The following DKK2 variants were observed in gnomAD, a reference collection of about 807,000 sequenced individuals.
DKK2 encodes the protein dickkopf-related protein 2.
Under a neutral mutation model 28.1 loss-of-function variants are expected in DKK2, and 11 were observed. That is an observed-to-expected ratio of 0.39 (90% CI 0.25 to 0.65). DKK2 has a LOEUF of 0.65. Ranked by LOEUF, DKK2 falls within the 30% of genes least tolerant of loss-of-function variation. The probability of loss-of-function intolerance (pLI) is 0.47; values close to 1 mark genes in which losing one functional copy is unlikely to be tolerated. For missense variants in DKK2, 326 were observed against 335.5 expected (o/e 0.97, Z 0.22); for synonymous variants, 135 against 126.5 (o/e 1.07, Z -0.45).
At chr4:107,009,843 C>CAG (rs1157325797) in intron 1 of DKK2, among the ~76,000 whole-genome samples, 1 of 151,822 alleles carries the variant, frequency 6.6e-6, no homozygotes, top group Non-Finnish European at 1.5e-5. Context: ...CTTTGGCTAA[C>CAG]AGAGACTTTT....
At chr4:107,004,746 AT>A (rs751546571) in intron 1 of DKK2, among the ~76,000 whole-genome samples, 7 of 152,228 alleles carry the variant, frequency 4.6e-5, no homozygotes, top group Admixed American at 1.3e-4. Context: ...ATTCTGGGAT[AT>A]CTGGGAATTA....
At chr4:107,016,168 C>T (rs1723601169) in intron 1 of DKK2, among the ~76,000 whole-genome samples, 1 of 151,850 alleles carries the variant, frequency 6.6e-6, no homozygotes. Context: ...CATTAGAGAA[C>T]ATCGTGGAAA....
rs529517431 is a variant in DKK2 at position 106,991,034 on chromosome 4, G to A, written c.222+44336C>T. ...TAGATGAAAAATTTTTGTTCTGTGAGTATAGAGCTTGTGCAAAGGAAAAAT... is the reference window on the plus strand; with the variant it reads ...TAGATGAAAAATTTTTGTTCTGTGAATATAGAGCTTGTGCAAAGGAAAAAT... On this transcript the variant is annotated intron_variant, in intron 1 of 3. Coordinates refer to ENST00000285311, the MANE Select transcript of DKK2 (RefSeq NM_014421.3). Among the ~76,000 whole-genome samples the A allele has an allele frequency of 4.8e-3, 734 of 152,268 alleles. 6 individuals carry two copies. Among genetic ancestry groups the A allele is most frequent in the African/African-American group, 0.017 (708 of 41,560 alleles).
intron 1 of DKK2, among the ~76,000 whole-genome samples, chr4:106,942,995 C>T (rs967571236): frequency 1.1e-4 from 16 of 152,230 alleles, no homozygotes; most frequent in African/African-American, 3.1e-4. Flanking sequence ...ACTACTTGCA[C>T]ATCCCCTAGT....
chr4:107,001,033 G>C (rs1432145783), intron 1 of DKK2, among the ~76,000 whole-genome samples: 1 of 151,156 alleles, frequency 6.6e-6, no homozygotes, highest in Non-Finnish European at 1.5e-5. Flanking sequence ...ATAACATGTG[G>C]ATAGGGCTCC....
intron 1 of DKK2, among the ~76,000 whole-genome samples, chr4:107,017,643 A>C (rs1246103266): frequency 6.6e-6 from 1 of 151,998 alleles, no homozygotes; most frequent in East Asian, 1.9e-4. Flanking sequence ...TTTCTTGAAA[A>C]AAAAAACTTC....
intron 1 of DKK2, among the ~76,000 whole-genome samples, chr4:107,015,093 A>G (rs1409729699): frequency 6.6e-6 from 1 of 151,552 alleles, no homozygotes; most frequent in Non-Finnish European, 1.5e-5. Context: ...TTATATTCTT[A>G]GAAGTAGAAT....
chr4:107,016,795 T>C (rs918794198), intron 1 of DKK2, among the ~76,000 whole-genome samples: 2 of 151,782 alleles, frequency 1.3e-5, no homozygotes, highest in African/African-American at 4.8e-5. Context: ...TTACCGTCAA[T>C]TGAGATGGAG....
intron 1 of DKK2, among the ~76,000 whole-genome samples, chr4:106,983,657 A>G (rs1247016132): frequency 2.0e-5 from 3 of 152,220 alleles, no homozygotes; most frequent in African/African-American, 7.2e-5. Flanking sequence ...ACTGCATTAA[A>G]AAGATTAAAG....
intron 1 of DKK2, among the ~76,000 whole-genome samples, chr4:106,945,798 A>C (rs917866157): frequency 6.6e-6 from 1 of 152,174 alleles, no homozygotes; most frequent in Non-Finnish European, 1.5e-5. Context: ...ATTTGCCGAA[A>C]ATAACACAAA....
rs962239956 is a variant in DKK2 at position 106,992,237 on chromosome 4, G to A, written c.222+43133C>T. Among the ~76,000 whole-genome samples the A allele has an allele frequency of 3.7e-4, 57 of 152,330 alleles. 1 individual carries two copies. Among genetic ancestry groups the A allele is most frequent in the Middle Eastern group, 6.8e-3 (2 of 294 alleles). ...ATGTTCATTAGGATGGAGTAGAAAT[G>A]CTAAAGGTTTAGGTTTACTAAGTGC... On this transcript the variant is annotated intron_variant, in intron 1 of 3. Coordinates refer to ENST00000285311, the MANE Select transcript of DKK2 (RefSeq NM_014421.3).
At chr4:107,030,596 A>G (rs1401633555) in intron 1 of DKK2, among the ~76,000 whole-genome samples, 2 of 152,046 alleles carry the variant, frequency 1.3e-5, no homozygotes, top group East Asian at 3.8e-4. Flanking sequence ...TAGAGGCATA[A>G]GGAAGTAAAA....
At chr4:106,996,891 A>G (rs990054326) in intron 1 of DKK2, among the ~76,000 whole-genome samples, 11 of 152,088 alleles carry the variant, frequency 7.2e-5, no homozygotes, top group African/African-American at 2.7e-4. Context: ...AACTTAGAAA[A>G]TTTCATCAAC....
At chr4:106,970,124 C>T (rs938987448) in intron 1 of DKK2, among the ~76,000 whole-genome samples, 3 of 152,088 alleles carry the variant, frequency 2.0e-5, no homozygotes, top group Non-Finnish European at 4.4e-5. Context: ...TTACCTTTGA[C>T]AATTGTTTAG....
At chr4:106,979,078 T>C (rs1311436417) in intron 1 of DKK2, among the ~76,000 whole-genome samples, 2 of 96,678 alleles carry the variant, frequency 2.1e-5, no homozygotes, top group African/African-American at 6.7e-5. Context: ...TTTGTTTTTG[T>C]TTTTTTTTCA....
chr4:106,935,755 G>A (rs998410740), intron 1 of DKK2, among the ~76,000 whole-genome samples: 12 of 152,146 alleles, frequency 7.9e-5, no homozygotes, highest in Admixed American at 3.3e-4. Context: ...CTCCCAGCAC[G>A]CAGCTGGAGA....
At position 107,011,382 on chromosome 4, in the gene DKK2, C is replaced by T. The variant is rs73837510; in HGVS notation, c.222+23988G>A. 7.4e-3 allele frequency among the ~76,000 whole-genome samples: 1,114 copies of T among 151,538 alleles called. 11 individuals are homozygous for T. Among genetic ancestry groups the T allele is most frequent in the African/African-American group, 0.026 (1,063 of 41,446 alleles). Reference sequence around the variant, plus strand: ...GCAACAAATATTATGAGTTGATTTTCCTAAAGTGGAAGATTCACTTTGTTC... The same window carrying T: ...GCAACAAATATTATGAGTTGATTTTTCTAAAGTGGAAGATTCACTTTGTTC... On this transcript the variant is annotated intron_variant, in intron 1 of 3. Transcript: ENST00000285311.
intron 1 of DKK2, among the ~76,000 whole-genome samples, chr4:106,943,743 G>C (rs138999191): frequency 1.8e-4 from 27 of 152,196 alleles, no homozygotes; most frequent in African/African-American, 5.3e-4. Flanking sequence ...TAAATTGTAT[G>C]TGATGAAAAT....
chr4:107,007,214 C>T (rs183698373), intron 1 of DKK2, among the ~76,000 whole-genome samples: 1 of 152,126 alleles, frequency 6.6e-6, no homozygotes, highest in Non-Finnish European at 1.5e-5. Context: ...AACTTGTAAA[C>T]TGATGCTTCT....
Sources: allele counts gnomAD v4.1 joint callset (sites outside exome capture counted in the v4.1 genomes callset), GRCh38; gene constraint gnomAD v4.1.1; transcripts MANE v1.5; gene names NCBI Gene and HGNC (gene_info 2026-07-23, HGNC 2026-07-21).